Variants in PDE11A observed in about 807,000 individuals in gnomAD.
The protein encoded by PDE11A is phosphodiesterase 11A.
A neutral mutation model predicts 100.5 loss-of-function variants in PDE11A; 100 were observed. The observed-to-expected ratio is 1.00, with a 90% CI of 0.85 to 1.18. The LOEUF (loss-of-function observed/expected upper bound fraction) is 1.18. PDE11A is among the 50% of genes most tolerant of loss of function. The pLI is 0.00. For synonymous variants in PDE11A, 381 were observed against 420.8 expected, an observed-to-expected ratio of 0.91 and a Z score of 1.16; for missense variants, 1,141 against 1,152.6, an observed-to-expected ratio of 0.99 and a Z score of 0.15.
intron 9 of PDE11A, among the ~76,000 whole-genome samples, chr2:177,778,687 A>G (rs372298108): frequency 1.3e-5 from 2 of 152,332 alleles, no homozygotes; most frequent in South Asian, 2.1e-4. Context: ...ACTTGGAATA[A>G]CCCGACAGAA....
intron 4 of PDE11A, among the ~76,000 whole-genome samples, chr2:177,882,436 T>A (rs2084358592): frequency 6.6e-6 from 1 of 152,228 alleles, no homozygotes; most frequent in Non-Finnish European, 1.5e-5. Flanking sequence ...GAATTTATGC[T>A]TTATTCCTGA....
At chr2:178,055,289 C>CT (rs1022659176) in intron 1 of PDE11A, among the ~76,000 whole-genome samples, 12 of 134,804 alleles carry the variant, frequency 8.9e-5, no homozygotes, top group African/African-American at 2.5e-4. Flanking sequence ...TAGGTGGGAA[C>CT]TGAACAATGA....
intron 10 of PDE11A, among the ~76,000 whole-genome samples, chr2:177,738,093 T>C (rs1574093939): frequency 6.6e-6 from 1 of 152,162 alleles, no homozygotes; most frequent in Middle Eastern, 3.4e-3. Context: ...TCAGGTAATA[T>C]AGGTGAGTCA....
chr2:177,724,356 C>A (rs190644769), intron 12 of PDE11A, among the ~76,000 whole-genome samples: 1 of 151,686 alleles, frequency 6.6e-6, no homozygotes, highest in Non-Finnish European at 1.5e-5. Flanking sequence ...AACAAAACCG[C>A]TTTGTTACCT....
chr2:178,102,395 G>A (rs1234768346), intron 2 of PDE11A, among the ~76,000 whole-genome samples: 2 of 150,900 alleles, frequency 1.3e-5, no homozygotes, highest in East Asian at 3.9e-4. Flanking sequence ...AAAGTGCTGG[G>A]ATTACAGGCG....
chr2:177,916,096 A>G (rs1380973916), intron 2 of PDE11A, among the ~76,000 whole-genome samples: 1 of 152,178 alleles, frequency 6.6e-6, no homozygotes, highest in Non-Finnish European at 1.5e-5. Context: ...TCCATGGACT[A>G]TACACCCCTA....
intron 6 of PDE11A, among the ~76,000 whole-genome samples, chr2:177,833,019 T>A (rs949241344): frequency 1.1e-4 from 17 of 152,148 alleles, no homozygotes; most frequent in African/African-American, 2.7e-4. Flanking sequence ...AAGCTTTTTT[T>A]AAAAAAACTT....
chr2:177,763,339 G>T (rs2082195276), intron 10 of PDE11A, among the ~76,000 whole-genome samples: 1 of 152,196 alleles, frequency 6.6e-6, no homozygotes, highest in African/African-American at 2.4e-5. Context: ...GCATAGGCTA[G>T]GTAACGAATT....
intron 5 of PDE11A, among the ~76,000 whole-genome samples, chr2:177,857,615 A>G (rs924957367): frequency 4.6e-5 from 7 of 152,006 alleles, no homozygotes; most frequent in African/African-American, 1.7e-4. Context: ...TAAAGAAGGA[A>G]TAGGGGAATA....
chr2:177,946,051 T>G (rs1158958978), intron 2 of PDE11A, among the ~76,000 whole-genome samples: 8 of 70,002 alleles, frequency 1.1e-4, no homozygotes, highest in South Asian at 4.9e-4. Context: ...GGGAGGGAGG[T>G]GGGGGGGTCA....
At position 178,012,765 on chromosome 2, in the gene PDE11A, T is replaced by C. The variant is rs147891340; in HGVS notation, c.1071+1537A>G. ...AACTAAATATATAATGAGTTCCTTT[T>C]AAATGAAGGCAGCAGAGCAAAGGCA... On this transcript the variant is annotated intron_variant, in intron 2 of 19. Transcript: ENST00000286063. Among the ~76,000 whole-genome samples the C allele has an allele frequency of 5.3e-5, 8 of 152,318 alleles. No individual in the cohort carries two copies. In the East Asian group the frequency reaches 1.5e-3, roughly 29 times the overall value.
chr2:177,739,776 T>C (rs1574095565), intron 10 of PDE11A, among the ~76,000 whole-genome samples: 1 of 152,374 alleles, frequency 6.6e-6, no homozygotes, highest in Non-Finnish European at 1.5e-5. Context: ...ATTTATATAC[T>C]TTTACTTGTA....
chr2:177,837,157 A>C (rs2083415884), intron 6 of PDE11A, among the ~76,000 whole-genome samples: 1 of 152,170 alleles, frequency 6.6e-6, no homozygotes, highest in African/African-American at 2.4e-5. Context: ...TTCTCTGTAA[A>C]GTTTTGATTA....
At chr2:177,802,281 CT>C in intron 9 of PDE11A, among the ~76,000 whole-genome samples, 1 of 152,146 alleles carries the variant, frequency 6.6e-6, no homozygotes, top group Non-Finnish European at 1.5e-5. Context: ...GGTATAGCCA[CT>C]TTGGAAAAAT....
intron 15 of PDE11A, among the ~76,000 whole-genome samples, chr2:177,688,834 T>C (rs1461260395): frequency 6.6e-5 from 10 of 152,260 alleles, no homozygotes; most frequent in East Asian, 1.9e-4. Flanking sequence ...CATCACCACA[T>C]TGAAAAACTT....
chr2:177,764,679 G>A (rs1033396014), intron 10 of PDE11A, among the ~76,000 whole-genome samples: 2 of 152,160 alleles, frequency 1.3e-5, no homozygotes, highest in African/African-American at 4.8e-5. Context: ...GAGCTGCAGA[G>A]ATAAAAACAG....
At chr2:177,790,580 A>T (rs2082614828) in intron 9 of PDE11A, among the ~76,000 whole-genome samples, 1 of 152,252 alleles carries the variant, frequency 6.6e-6, no homozygotes, top group Non-Finnish European at 1.5e-5. Flanking sequence ...AGCAAAAGAA[A>T]CTACTATCAG....
At chr2:177,787,773 G>A (rs1034165473) in intron 9 of PDE11A, among the ~76,000 whole-genome samples, 1 of 151,894 alleles carries the variant, frequency 6.6e-6, no homozygotes, top group Non-Finnish European at 1.5e-5. Flanking sequence ...AACCAACAAA[G>A]ATCAAAAGCG....
intron 7 of PDE11A, among the ~76,000 whole-genome samples, chr2:177,818,269 C>CATAT (rs138058817): frequency 0.25 from 36,595 of 147,464 alleles, 4,639 homozygotes; most frequent in African/African-American, 0.27. Context: ...TATTCAGCTA[C>CATAT]ATATATATAT....
Sources: allele counts gnomAD v4.1 joint callset (sites outside exome capture counted in the v4.1 genomes callset), GRCh38; gene constraint gnomAD v4.1.1; transcripts MANE v1.5; gene names NCBI Gene and HGNC (gene_info 2026-07-23, HGNC 2026-07-21).